BCL2L1: variants seen among roughly 807,000 people sequenced by gnomAD.
BCL2L1 encodes the protein BCL2 like 1.
In BCL2L1, 1 loss-of-function variant was observed where a neutral mutation model predicts 18.7. The ratio of observed to expected loss-of-function variants is 0.05; its 90% CI spans 0.02 to 0.25. BCL2L1 has a LOEUF of 0.25. BCL2L1 is among the 10% of genes least tolerant of loss of function. BCL2L1 has a pLI of 1.00. For synonymous variants in BCL2L1, 103 were observed against 122.7 expected (o/e 0.84, Z 1.06); for missense variants, 207 against 304.9 (o/e 0.68, Z 2.39).
intron 2 of BCL2L1, among the ~76,000 whole-genome samples, chr20:31,696,381 C>T (rs2061170977): frequency 6.6e-6 from 1 of 152,174 alleles, no homozygotes; most frequent in South Asian, 2.1e-4. Context: ...GTCCTGGGTG[C>T]ATAGCATCAC....
At chr20:31,720,439 T>C in intron 2 of BCL2L1, 1 of 722,394 alleles carries the variant, frequency 1.4e-6, no homozygotes, top group Non-Finnish European at 1.7e-6. Context: ...AGAACATCTC[T>C]CATAAAACCT....
intron 2 of BCL2L1, among the ~76,000 whole-genome samples, chr20:31,676,192 C>T (rs1346858920): frequency 6.6e-6 from 1 of 152,168 alleles, no homozygotes; most frequent in Non-Finnish European, 1.5e-5. Context: ...TCATAACCTC[C>T]TTCCCTGGAA....
intron 2 of BCL2L1, among the ~76,000 whole-genome samples, chr20:31,676,669 C>G (rs558228355): frequency 1.9e-4 from 29 of 152,264 alleles, no homozygotes; most frequent in African/African-American, 6.5e-4. Flanking sequence ...CATGCCCATC[C>G]AACCTTCCAT....
chr20:31,697,240 T>C (rs1361376751), intron 2 of BCL2L1, among the ~76,000 whole-genome samples: 1 of 152,058 alleles, frequency 6.6e-6, no homozygotes, highest in African/African-American at 2.4e-5. Flanking sequence ...GGTAGCTCTG[T>C]AGATCAGCTC....
rs560997987 is a variant in BCL2L1, at chr20:31,665,178, T to C, written c.*771A>G. ...TCTGGGGCATCTGTCTTGGGCCCAGTTGGTCCCTCAGTATGGTCATGGGAG... is the reference window on the plus strand; with the variant it reads ...TCTGGGGCATCTGTCTTGGGCCCAGCTGGTCCCTCAGTATGGTCATGGGAG... On this transcript the variant is annotated 3_prime_UTR_variant, in exon 3 of 3. Coordinates refer to ENST00000307677, the MANE Select transcript of BCL2L1 (RefSeq NM_138578.3). The C allele has an allele frequency of 1.0e-4, 18 of 175,020 alleles. No homozygotes were observed. Among genetic ancestry groups the C allele is most frequent in the Middle Eastern group, 2.3e-3 (1 of 438 alleles). The allele number at this position is 175,020 out of a possible 1,614,324, so 10.8% of individuals were successfully genotyped here.
intron 2 of BCL2L1, among the ~76,000 whole-genome samples, chr20:31,685,033 CTA>C (rs2060930922): frequency 1.3e-5 from 2 of 152,262 alleles, no homozygotes; most frequent in Admixed American, 6.5e-5. Flanking sequence ...TTTAGAGACT[CTA>C]TATAATTTTT....
chr20:31,691,256 A>T (rs2122625249), intron 2 of BCL2L1, among the ~76,000 whole-genome samples: 1 of 148,466 alleles, frequency 6.7e-6, no homozygotes, highest in East Asian at 2.1e-4. Flanking sequence ...TCAAATTTAC[A>T]GCCTTTAACA....
chr20:31,673,537 C>A (rs2060708851), intron 2 of BCL2L1, among the ~76,000 whole-genome samples: 2 of 151,088 alleles, frequency 1.3e-5, no homozygotes, highest in Admixed American at 1.3e-4. Context: ...CATCTATGGT[C>A]TCAGCAACTC....
At chr20:31,704,107 T>C (rs1306562027) in intron 2 of BCL2L1, among the ~76,000 whole-genome samples, 31 of 145,534 alleles carry the variant, frequency 2.1e-4, no homozygotes, top group African/African-American at 3.6e-4. Flanking sequence ...CCTAAACCTT[T>C]TTTTTTTTTT....
intron 2 of BCL2L1, among the ~76,000 whole-genome samples, chr20:31,674,937 A>AG (rs1378898973): frequency 6.6e-6 from 1 of 151,142 alleles, no homozygotes; most frequent in Non-Finnish European, 1.5e-5. Flanking sequence ...AGCAAACCCC[A>AG]TATTCTGAGC....
At chr20:31,703,520 C>T (rs2061318583) in intron 2 of BCL2L1, among the ~76,000 whole-genome samples, 1 of 142,266 alleles carries the variant, frequency 7.0e-6, no homozygotes, top group Non-Finnish European at 1.5e-5. Context: ...AGACAAGAGT[C>T]TCACTCTGTT....
At chr20:31,718,887 T>A (rs1349171616) in intron 2 of BCL2L1, among the ~76,000 whole-genome samples, 1 of 152,194 alleles carries the variant, frequency 6.6e-6, no homozygotes, top group Non-Finnish European at 1.5e-5. Flanking sequence ...CCCAACAGCA[T>A]CTCTGGCTTT....
At chr20:31,685,966 A>G (rs756519453) in intron 2 of BCL2L1, among the ~76,000 whole-genome samples, 5 of 152,070 alleles carry the variant, frequency 3.3e-5, no homozygotes, top group Admixed American at 6.6e-5. Context: ...CCTCCCTTAC[A>G]TTGTTCACCC....
chr20:31,677,647 T>C (rs12479491), intron 2 of BCL2L1, among the ~76,000 whole-genome samples: 56,281 of 152,052 alleles, frequency 0.37, 12,556 homozygotes, highest in African/African-American at 0.61. Context: ...TCTCTATGGC[T>C]TACAAGGGCC....
chr20:31,712,125 A>G (rs114049966), intron 2 of BCL2L1, among the ~76,000 whole-genome samples: 193 of 152,336 alleles, frequency 1.3e-3, no homozygotes, highest in African/African-American at 4.4e-3. Context: ...CTCAGTGCCT[A>G]TAACGATAAG....
At chr20:31,692,940 C>T (rs1265763371) in intron 2 of BCL2L1, among the ~76,000 whole-genome samples, 5 of 150,158 alleles carry the variant, frequency 3.3e-5, no homozygotes, top group East Asian at 2.0e-4. Context: ...GGTGTGGTGG[C>T]GTGCGCCTGT....
At chr20:31,695,859 C>T (rs1037054168) in intron 2 of BCL2L1, among the ~76,000 whole-genome samples, 2 of 152,190 alleles carry the variant, frequency 1.3e-5, no homozygotes, top group African/African-American at 4.8e-5. Flanking sequence ...ATCAGAGAGG[C>T]CTTCCTAACT....
At chr20:31,694,115 C>T (rs1332990129) in intron 2 of BCL2L1, among the ~76,000 whole-genome samples, 2 of 152,036 alleles carry the variant, frequency 1.3e-5, no homozygotes, top group African/African-American at 4.8e-5. Context: ...CCAGCTGGCT[C>T]CAGCCTGGAT....
At position 31,665,556 on chromosome 20, in the gene BCL2L1, A is replaced by C. The variant is rs943451680; in HGVS notation, c.*393T>G. ...ACAAACATCAAAACAAAGGCAATCT[A>C]GTCTCCTTTCTGGGGAAGAGGTTCT... On this transcript the variant is annotated 3_prime_UTR_variant, in exon 3 of 3. Transcript: ENST00000307677. 32 of 204,140 alleles carry C rather than the reference A, an allele frequency of 1.6e-4. 1 individual carries two copies. Among genetic ancestry groups the C allele is most frequent in the African/African-American group, 7.2e-4 (31 of 43,248 alleles). The allele number at this position is 204,140 out of a possible 1,614,324, so 12.6% of individuals were successfully genotyped here. A position where few individuals can be genotyped will look rare whatever the true frequency, so the allele number is the denominator to read the frequency against.
Sources: gnomAD v4.1 joint callset for allele counts (sites outside exome capture counted in the v4.1 genomes callset) on GRCh38, gnomAD v4.1.1 for gene constraint, MANE v1.5 for transcripts, NCBI Gene and HGNC (gene_info 2026-07-23, HGNC 2026-07-21) for gene names.